Variants in FRMD4A observed in about 807,000 individuals in gnomAD.
FRMD4A encodes FERM domain-containing protein 4A.
In FRMD4A, 29 loss-of-function variants were observed where a neutral mutation model predicts 129.1. The observed-to-expected ratio is 0.22, with a 90% CI of 0.17 to 0.31. The LOEUF (loss-of-function observed/expected upper bound fraction) is 0.31. FRMD4A is among the 10% of genes least tolerant of loss of function. FRMD4A has a pLI of 1.00. For synonymous variants in FRMD4A, 634 were observed against 571.6 expected (o/e 1.11, Z -1.56); for missense variants, 1,272 against 1,375.8 (o/e 0.92, Z 1.19).
chr10:14,114,421 T>G (rs1041834230), intron 2 of FRMD4A, among the ~76,000 whole-genome samples: 1 of 152,204 alleles, frequency 6.6e-6, no homozygotes, highest in African/African-American at 2.4e-5. Context: ...TGTCCATCAT[T>G]TGGAAGATGG....
intron 19 of FRMD4A, among the ~76,000 whole-genome samples, chr10:13,662,149 A>G (rs1387354866): frequency 6.6e-6 from 1 of 152,120 alleles, no homozygotes; most frequent in Non-Finnish European, 1.5e-5. Context: ...TTCCCTTTCC[A>G]GGGGAGACTG....
In FRMD4A at chr10:13,921,955, G is replaced by A. The variant is rs2141460; in HGVS notation, c.46-63043C>T. On this transcript the variant is annotated intron_variant, in intron 2 of 24. Transcript: ENST00000357447. Reference sequence around the variant, plus strand: ...CCTCCAATGTGATGGTTTTTGGAGAGGAGGCCTTTGGTAGGCGATTAGGTG... The same window carrying A: ...CCTCCAATGTGATGGTTTTTGGAGAAGAGGCCTTTGGTAGGCGATTAGGTG... Among the ~76,000 whole-genome samples the A allele has an allele frequency of 6.6e-5, 10 of 152,274 alleles. 1 individual carries two copies. Among genetic ancestry groups the A allele is most frequent in the Admixed American group, 4.6e-4 (7 of 15,306 alleles).
intron 2 of FRMD4A, among the ~76,000 whole-genome samples, chr10:13,956,254 G>A (rs533843224): frequency 1.6e-4 from 25 of 152,302 alleles, no homozygotes; most frequent in African/African-American, 5.8e-4. Context: ...CCAGGTTGAA[G>A]TGATTCTCGT....
chr10:14,161,081 A>G (rs928413518), intron 2 of FRMD4A, among the ~76,000 whole-genome samples: 10 of 152,038 alleles, frequency 6.6e-5, no homozygotes, highest in Non-Finnish European at 1.2e-4. Flanking sequence ...CAGCCCCCCG[A>G]GTCGCTGGGA....
intron 2 of FRMD4A, among the ~76,000 whole-genome samples, chr10:14,219,736 G>A (rs946313999): frequency 2.6e-5 from 4 of 152,164 alleles, no homozygotes; most frequent in African/African-American, 7.2e-5. Flanking sequence ...AGTGCCCAGG[G>A]CAAGCTGGGA....
intron 2 of FRMD4A, among the ~76,000 whole-genome samples, chr10:14,089,227 T>C (rs1836486939): frequency 6.6e-6 from 1 of 152,222 alleles, no homozygotes; most frequent in South Asian, 2.1e-4. Context: ...CACAGGCCCC[T>C]GGCGCTGGTT....
intron 2 of FRMD4A, among the ~76,000 whole-genome samples, chr10:13,989,619 G>A (rs547693128): frequency 4.4e-4 from 67 of 152,258 alleles, no homozygotes; most frequent in African/African-American, 1.4e-3. Context: ...GAGCCAACGC[G>A]CCCAGCCAAT....
rs1053129641 is a variant in FRMD4A at position 13,989,581 on chromosome 10, C to A, written c.46-130669G>T. ...TGACCTCGTGATCCACCCACCTTGGCCTCCCAAAGTGCTGGGATTAGAGGC... is the reference window on the plus strand; with the variant it reads ...TGACCTCGTGATCCACCCACCTTGGACTCCCAAAGTGCTGGGATTAGAGGC... On this transcript the variant is annotated intron_variant, in intron 2 of 24. Transcript: ENST00000357447. Among the ~76,000 whole-genome samples, 16 of 152,298 alleles carry A rather than the reference C, an allele frequency of 1.1e-4. No homozygotes were observed. The East Asian group carries it at 3.1e-3, about 29-fold the overall frequency.
chr10:14,086,960 C>A (rs1416092892), intron 2 of FRMD4A, among the ~76,000 whole-genome samples: 1 of 152,024 alleles, frequency 6.6e-6, no homozygotes, highest in African/African-American at 2.4e-5. Context: ...TATATGGTGC[C>A]TTATGCTAGT....
chr10:13,827,051 A>G (rs1238813174), intron 3 of FRMD4A, among the ~76,000 whole-genome samples: 1 of 152,230 alleles, frequency 6.6e-6, no homozygotes, highest in Non-Finnish European at 1.5e-5. Flanking sequence ...AAAATAGCAC[A>G]GAATAGGGGG....
At chr10:14,257,693 T>C (rs1589235415) in intron 2 of FRMD4A, among the ~76,000 whole-genome samples, 1 of 152,184 alleles carries the variant, frequency 6.6e-6, no homozygotes. Flanking sequence ...GGAAAGGCTG[T>C]CATGTGAAGA....
intron 7 of FRMD4A, among the ~76,000 whole-genome samples, chr10:13,761,922 C>G (rs1324616803): frequency 6.6e-6 from 1 of 152,162 alleles, no homozygotes; most frequent in South Asian, 2.1e-4. Flanking sequence ...ATGCACATCT[C>G]CACCTCTAAG....
intron 2 of FRMD4A, chr10:14,008,045 C>T (rs1482677551): frequency 3.1e-6 from 4 of 1,298,984 alleles, no homozygotes; most frequent in Admixed American, 4.6e-5. Context: ...GCAAACAACC[C>T]GCCACGTAGC....
chr10:13,733,441 G>T (rs2090438326), intron 12 of FRMD4A, among the ~76,000 whole-genome samples: 1 of 150,076 alleles, frequency 6.7e-6, no homozygotes, highest in African/African-American at 2.4e-5. Flanking sequence ...CAAAGGCCTG[G>T]TTTTTTTTTT....
At chr10:13,776,102 C>T (rs1331074520) in intron 6 of FRMD4A, among the ~76,000 whole-genome samples, 1 of 151,848 alleles carries the variant, frequency 6.6e-6, no homozygotes, top group South Asian at 2.1e-4. Flanking sequence ...AAATCTACAT[C>T]CTTATTTTTT....
intron 2 of FRMD4A, among the ~76,000 whole-genome samples, chr10:13,881,181 G>T (rs924206530): frequency 6.6e-6 from 1 of 151,744 alleles, no homozygotes; most frequent in South Asian, 2.1e-4. Context: ...GCTTTGAGAG[G>T]CTGAAGTGGG....
chr10:13,923,845 A>G (rs1036693511), intron 2 of FRMD4A, among the ~76,000 whole-genome samples: 2 of 152,200 alleles, frequency 1.3e-5, no homozygotes, highest in African/African-American at 4.8e-5. Context: ...AGCCCTGGGG[A>G]GGAATGGAGA....
At chr10:13,842,820 C>T (rs1294550726) in intron 3 of FRMD4A, among the ~76,000 whole-genome samples, 1 of 152,112 alleles carries the variant, frequency 6.6e-6, no homozygotes, top group Non-Finnish European at 1.5e-5. Flanking sequence ...CAAAGCAAAA[C>T]CCTGCCTCTA....
At chr10:13,842,558 AAGGCCAC>A (rs1203849065) in intron 3 of FRMD4A, among the ~76,000 whole-genome samples, 2 of 152,242 alleles carry the variant, frequency 1.3e-5, no homozygotes, top group African/African-American at 4.8e-5. Context: ...AACATTTCCC[AAGGCCAC>A]AGACCATCTA....
Sources: gnomAD v4.1 joint callset for allele counts (sites outside exome capture counted in the v4.1 genomes callset) on GRCh38, gnomAD v4.1.1 for gene constraint, MANE v1.5 for transcripts, NCBI Gene and HGNC (gene_info 2026-07-23, HGNC 2026-07-21) for gene names.